TBL1XR1: variants seen among roughly 807,000 people sequenced by gnomAD.
TBL1XR1 encodes TBL1X/Y related 1, also known as F-box-like/WD repeat-containing protein TBL1XR1.
Under a neutral mutation model 66.9 loss-of-function variants are expected in TBL1XR1, and 5 were observed. That is an observed-to-expected ratio of 0.07 (90% CI 0.04 to 0.16). TBL1XR1 has a LOEUF of 0.16. TBL1XR1 is among the 10% of genes least tolerant of loss of function. The pLI is 1.00. For synonymous variants in TBL1XR1, 210 were observed against 206.0 expected, an observed-to-expected ratio of 1.02 and a Z score of -0.17; for missense variants, 238 against 623.2, an observed-to-expected ratio of 0.38 and a Z score of 6.58.
chr3:177,067,255 C>T (rs577631248), intron 2 of TBL1XR1, among the ~76,000 whole-genome samples: 1 of 152,268 alleles, frequency 6.6e-6, no homozygotes, highest in South Asian at 2.1e-4. Flanking sequence ...ATGTTTGTCA[C>T]GGGGAACAAT....
intron 1 of TBL1XR1, among the ~76,000 whole-genome samples, chr3:177,133,876 CAAAAAA>C (rs541940840): frequency 1.9e-5 from 2 of 105,754 alleles, no homozygotes; most frequent in East Asian, 2.7e-4. Context: ...ACTCCTATCT[CAAAAAA>C]AAAAAAAAAA....
At chr3:177,095,958 T>C (rs1332740973) in intron 2 of TBL1XR1, among the ~76,000 whole-genome samples, 1 of 152,192 alleles carries the variant, frequency 6.6e-6, no homozygotes, top group Non-Finnish European at 1.5e-5. Context: ...TTTATATTTA[T>C]ACAAGTATCA....
intron 1 of TBL1XR1, among the ~76,000 whole-genome samples, chr3:177,151,311 G>C (rs568049777): frequency 3.3e-5 from 5 of 152,208 alleles, no homozygotes; most frequent in Non-Finnish European, 4.4e-5. Flanking sequence ...ATTAAAAACA[G>C]TTGCATTTGA....
At chr3:177,146,588 T>TCAAAAAAAAAAAAAA (rs1730279190) in intron 1 of TBL1XR1, among the ~76,000 whole-genome samples, 1 of 11,718 alleles carries the variant, frequency 8.5e-5, no homozygotes, top group African/African-American at 3.4e-4. Flanking sequence ...AGACTCCATC[T>TCAAAAAAAAAAAAAA]CAAAAAAAAA....
chr3:177,062,989 C>A (rs966242751), intron 3 of TBL1XR1, among the ~76,000 whole-genome samples: 1 of 151,924 alleles, frequency 6.6e-6, no homozygotes, highest in African/African-American at 2.4e-5. Flanking sequence ...ACAAAATTAG[C>A]CAGGCATGGT....
intron 1 of TBL1XR1, among the ~76,000 whole-genome samples, chr3:177,115,164 C>T (rs1042407381): frequency 2.0e-5 from 3 of 152,050 alleles, no homozygotes; most frequent in African/African-American, 4.8e-5. Context: ...CCAGTAAGTA[C>T]ACTTTTTAAC....
chr3:177,186,154 G>A (rs1321675721), intron 1 of TBL1XR1, among the ~76,000 whole-genome samples: 1 of 152,070 alleles, frequency 6.6e-6, no homozygotes, highest in African/African-American at 2.4e-5. Flanking sequence ...GGGTTTTTTT[G>A]CACAAGAACA....
intron 13 of TBL1XR1, among the ~76,000 whole-genome samples, chr3:177,033,986 A>C (rs1411431617): frequency 6.6e-6 from 1 of 152,056 alleles, no homozygotes; most frequent in East Asian, 1.9e-4. Flanking sequence ...CACTGGGTAC[A>C]CTACACTGCT....
At chr3:177,150,743 T>C (rs1254199030) in intron 1 of TBL1XR1, among the ~76,000 whole-genome samples, 1 of 152,232 alleles carries the variant, frequency 6.6e-6, no homozygotes, top group South Asian at 2.1e-4. Flanking sequence ...GCCATGCAGC[T>C]GAGCAGGCTC....
At chr3:177,185,366 T>C (rs1420326964) in intron 1 of TBL1XR1, among the ~76,000 whole-genome samples, 1 of 152,202 alleles carries the variant, frequency 6.6e-6, no homozygotes, top group East Asian at 1.9e-4. Flanking sequence ...TCCAGCACTT[T>C]GGGAGGCCGA....
intron 1 of TBL1XR1, among the ~76,000 whole-genome samples, chr3:177,129,844 T>C (rs1328556451): frequency 6.6e-6 from 1 of 152,010 alleles, no homozygotes; most frequent in East Asian, 1.9e-4. Context: ...GGCAGTGAAA[T>C]TTAAAAATGC....
At chr3:177,138,045 TG>T (rs1032087934) in intron 1 of TBL1XR1, among the ~76,000 whole-genome samples, 9 of 152,178 alleles carry the variant, frequency 5.9e-5, no homozygotes, top group African/African-American at 2.2e-4. Context: ...TAAAGAATTT[TG>T]ATCAGGTTGA....
chr3:177,180,541 C>CA (rs1700429115), intron 1 of TBL1XR1, among the ~76,000 whole-genome samples: 2 of 152,062 alleles, frequency 1.3e-5, no homozygotes, highest in Admixed American at 1.3e-4. Context: ...AATACTGTTG[C>CA]AATCATTTTA....
chr3:177,065,359 T>A (rs1719021538), intron 2 of TBL1XR1, among the ~76,000 whole-genome samples: 1 of 152,144 alleles, frequency 6.6e-6, no homozygotes, highest in Non-Finnish European at 1.5e-5. Context: ...ATTTTAAAAA[T>A]AAAAAATATT....
At chr3:177,189,147 G>C (rs370356364) in intron 1 of TBL1XR1, among the ~76,000 whole-genome samples, 18 of 152,018 alleles carry the variant, frequency 1.2e-4, no homozygotes, top group African/African-American at 3.9e-4. Context: ...GGTGGAGATT[G>C]CAGTGAGCCA....
upstream of TBL1XR1, among the ~76,000 whole-genome samples, chr3:177,200,744 G>T (rs1409738857): frequency 6.6e-6 from 1 of 152,190 alleles, no homozygotes; most frequent in South Asian, 2.1e-4. Context: ...GGTGGTTCAC[G>T]CCTGTAATCC....
chr3:177,077,694 ACTTTTCTG>A (rs1264771926), intron 2 of TBL1XR1, among the ~76,000 whole-genome samples: 9 of 152,046 alleles, frequency 5.9e-5, no homozygotes, highest in African/African-American at 2.2e-4. Flanking sequence ...ACAAATTTCC[ACTTTTCTG>A]CTTTTAGTTC....
intron 14 of TBL1XR1, among the ~76,000 whole-genome samples, chr3:177,030,106 ATGTGTGTGTGTGTG>A (rs926533880): frequency 6.8e-6 from 1 of 147,942 alleles, no homozygotes; most frequent in South Asian, 2.1e-4. Context: ...GTGTGTGTGT[ATGTGTGTGTGTGTG>A]TATATATATA....
chr3:177,123,552 G>GA (rs1167475278), intron 1 of TBL1XR1, among the ~76,000 whole-genome samples: 2 of 150,460 alleles, frequency 1.3e-5, no homozygotes, highest in African/African-American at 4.9e-5. Flanking sequence ...TCACTTCAAA[G>GA]AAAAAAGATA....
Sources: allele counts gnomAD v4.1 joint callset (sites outside exome capture counted in the v4.1 genomes callset), GRCh38; gene constraint gnomAD v4.1.1; transcripts MANE v1.5; gene names NCBI Gene and HGNC (gene_info 2026-07-23, HGNC 2026-07-21).